Variants in ALDH3B2 observed in about 807,000 individuals in gnomAD.
The protein encoded by ALDH3B2 is aldehyde dehydrogenase 3 family member B2, also known as aldehyde dehydrogenase family 3 member B2.
In ALDH3B2, 45 loss-of-function variants were observed where a neutral mutation model predicts 36.7. That is an observed-to-expected ratio of 1.23 (90% CI 0.97 to 1.57). The LOEUF (loss-of-function observed/expected upper bound fraction) is 1.57. Ranked by LOEUF, ALDH3B2 falls within the 40% of genes most tolerant of loss-of-function variation. ALDH3B2 has a pLI of 0.00. For synonymous variants in ALDH3B2, 217 were observed against 226.5 expected, an observed-to-expected ratio of 0.96 and a Z score of 0.38; for missense variants, 464 against 513.3, an observed-to-expected ratio of 0.90 and a Z score of 0.93.
At chr11:67,673,550 G>A (rs535461002) in intron 1 of ALDH3B2, among the ~76,000 whole-genome samples, 1 of 152,324 alleles carries the variant, frequency 6.6e-6, no homozygotes, top group African/African-American at 2.4e-5. Flanking sequence ...TGTGGGGGCA[G>A]ATGCTGAGAA....
At chr11:67,680,622 G>T (rs1856353093) in intron 1 of ALDH3B2, among the ~76,000 whole-genome samples, 1 of 152,102 alleles carries the variant, frequency 6.6e-6, no homozygotes, top group Non-Finnish European at 1.5e-5. Context: ...TTGCCATGTT[G>T]CCAAGGCTGG....
At chr11:67,667,426 A>G in intron 2 of ALDH3B2, 47 bp downstream of exon 2, 1 of 351,606 alleles carries the variant, frequency 2.8e-6, no homozygotes. Flanking sequence ...GAAAGAGGAC[A>G]GGGACGCTGC....
chr11:67,672,065 A>G lies in ALDH3B2; in HGVS notation c.-245+2372T>C, dbSNP rs1255451405. Reference sequence around the variant, plus strand: ...TTCATATATATATATATATATATATATATATATATATATATATATATATGT... The same window carrying G: ...TTCATATATATATATATATATATATGTATATATATATATATATATATATGT... On this transcript the variant is annotated intron_variant, in intron 1 of 9. Coordinates refer to ENST00000349015, the Ensembl canonical transcript of ALDH3B2. 8.6e-3 allele frequency among the ~76,000 whole-genome samples: 692 copies of G among 80,056 alleles called. 36 individuals are homozygous for G. Among genetic ancestry groups the G allele is most frequent in the African/African-American group, 0.033 (602 of 18,508 alleles). 52.5% of individuals were successfully genotyped at this position (80,056 alleles called of 152,430 possible).
intron 1 of ALDH3B2, among the ~76,000 whole-genome samples, chr11:67,670,205 G>GGT (rs1351785961): frequency 3.0e-5 from 2 of 65,836 alleles, no homozygotes; most frequent in African/African-American, 1.1e-4. Flanking sequence ...TGTGTGTATG[G>GGT]GTGTGTGTGT....
chr11:67,668,777 GGTGTCTGTGT>G (rs1855993313), intron 1 of ALDH3B2, among the ~76,000 whole-genome samples: 2 of 137,910 alleles, frequency 1.5e-5, no homozygotes, highest in Admixed American at 7.1e-5. Flanking sequence ...TGTGTGTATG[GGTGTCTGTGT>G]GTGTCTGTGT....
upstream of ALDH3B2, among the ~76,000 whole-genome samples, chr11:67,675,824 G>C (rs1856257288): frequency 6.6e-6 from 1 of 152,236 alleles, no homozygotes; most frequent in South Asian, 2.1e-4. Context: ...CTGTAAATGG[G>C]TGAGTTGTAT....
chr11:67,667,210 G>A (rs1855945242), intron 2 of ALDH3B2, among the ~76,000 whole-genome samples, 194 bp from the exon 3 acceptor site: 1 of 152,172 alleles, frequency 6.6e-6, no homozygotes. Context: ...TGTGGCCTTG[G>A]GCAAGCGATG....
chr11:67,669,599 A>G (rs1481820989), intron 1 of ALDH3B2, among the ~76,000 whole-genome samples: 1 of 132,272 alleles, frequency 7.6e-6, no homozygotes, highest in Non-Finnish European at 1.6e-5. Context: ...TGCTGTGTCC[A>G]TGTGTATCTG....
At chr11:67,675,328 A>G (rs1170839707), upstream of ALDH3B2, among the ~76,000 whole-genome samples, 1 of 152,196 alleles carries the variant, frequency 6.6e-6, no homozygotes. Context: ...GAGAATGGAA[A>G]AGGCAGATCA....
intron 7 of ALDH3B2, 52 bp downstream of exon 7, chr11:67,665,233 A>G: frequency 1.9e-6 from 3 of 1,543,514 alleles, no homozygotes; most frequent in East Asian, 2.3e-5. Context: ...TGGGCCCTCC[A>G]TTGAGAAAGG....
intron 1 of ALDH3B2, among the ~76,000 whole-genome samples, chr11:67,670,262 G>C (rs71457793): frequency 7.9e-5 from 11 of 139,198 alleles, no homozygotes; most frequent in African/African-American, 3.0e-4. Flanking sequence ...GTATGGGTGT[G>C]TGTGTCCACG....
intron 1 of ALDH3B2, among the ~76,000 whole-genome samples, chr11:67,670,438 C>T (rs959595475): frequency 6.6e-6 from 1 of 152,094 alleles, no homozygotes; most frequent in African/African-American, 2.4e-5. Context: ...CCCAGGGCTG[C>T]TGCCTCAGAC....
At chr11:67,666,748 C>A in intron 3 of ALDH3B2, 54 bp from the exon 4 acceptor site, 1 of 1,610,792 alleles carries the variant, frequency 6.2e-7, no homozygotes, top group Admixed American at 1.7e-5. Context: ...CAAAGCCCAC[C>A]CACTGCACAC....
intron 1 of ALDH3B2, 137 bp from the exon 2 acceptor site, chr11:67,667,772 C>T (rs922160907): frequency 1.9e-5 from 4 of 207,808 alleles, no homozygotes; most frequent in Non-Finnish European, 3.8e-5. Context: ...CTCATACACA[C>T]ACAGACCCAC....
chr11:67,662,885 G>A (rs1364551616), exon 10 of ALDH3B2: 2 of 346,502 alleles, frequency 5.8e-6, no homozygotes, highest in South Asian at 3.4e-5. Flanking sequence ...AGAAGGCAGG[G>A]CACTGTATTT....
intron 1 of ALDH3B2, among the ~76,000 whole-genome samples, chr11:67,672,102 TTGTGTGTGTGTG>T (rs71058721): frequency 0.02 from 995 of 49,982 alleles, 109 homozygotes; most frequent in African/African-American, 0.061. Context: ...TGTATGTATT[TTGTGTGTGTGTG>T]TGTGTGTGTG....
upstream of ALDH3B2, chr11:67,674,662 C>T (rs1856225340): frequency 6.6e-6 from 1 of 152,522 alleles, no homozygotes; most frequent in Non-Finnish European, 1.5e-5. Flanking sequence ...AGGCGTGGGG[C>T]AGGGCTGCAC....
exon 8 of ALDH3B2, chr11:67,664,431 G>C (rs1591141021): frequency 6.2e-7 from 1 of 1,614,140 alleles, no homozygotes; most frequent in Non-Finnish European, 8.5e-7. Context: ...AGGGCCAGGG[G>C]CTTCTCCTGC....
chr11:67,670,904 G>A (rs1856091535), intron 1 of ALDH3B2, among the ~76,000 whole-genome samples: 1 of 152,216 alleles, frequency 6.6e-6, no homozygotes, highest in African/African-American at 2.4e-5. Context: ...GAACCTGGGT[G>A]GGGCCTGGGC....
Sources: allele counts gnomAD v4.1 joint callset (sites outside exome capture counted in the v4.1 genomes callset), GRCh38; gene constraint gnomAD v4.1.1; transcripts MANE v1.5; gene names NCBI Gene and HGNC (gene_info 2026-07-23, HGNC 2026-07-21).